Variants in SOX5 observed in about 807,000 individuals in gnomAD.
The protein encoded by SOX5 is SRY-box transcription factor 5, also known as transcription factor SOX-5.
A neutral mutation model predicts 92.0 loss-of-function variants in SOX5; 9 were observed. The ratio of observed to expected loss-of-function variants is 0.10; its 90% CI spans 0.06 to 0.17. The LOEUF is 0.17. Ranked by LOEUF, SOX5 falls within the 10% of genes least tolerant of loss-of-function variation. SOX5 has a pLI of 1.00. For synonymous variants in SOX5, 344 were observed against 336.3 expected (o/e 1.02, Z -0.25); for missense variants, 642 against 944.5 (o/e 0.68, Z 4.20).
intron 4 of SOX5, among the ~76,000 whole-genome samples, chr12:24,128,274 T>A (rs945341437): frequency 6.6e-6 from 1 of 152,214 alleles, no homozygotes; most frequent in Non-Finnish European, 1.5e-5. Flanking sequence ...TTGATAAGCA[T>A]CTTCTGAGGA....
At chr12:23,993,593 C>G (rs776316577) in intron 4 of SOX5, among the ~76,000 whole-genome samples, 55 of 152,156 alleles carry the variant, frequency 3.6e-4, no homozygotes, top group Non-Finnish European at 6.5e-4. Flanking sequence ...CCCCAACATA[C>G]TCCTCCATTG....
intron 1 of SOX5, among the ~76,000 whole-genome samples, chr12:23,931,693 C>A (rs969771088): frequency 9.2e-5 from 14 of 151,546 alleles, no homozygotes; most frequent in Non-Finnish European, 2.1e-4. Flanking sequence ...TTCTGATTTT[C>A]AATTTGTGAG....
chr12:24,383,383 T>A (rs563069989), intron 1 of SOX5, among the ~76,000 whole-genome samples: 6 of 152,362 alleles, frequency 3.9e-5, no homozygotes, highest in Admixed American at 1.3e-4. Context: ...ACTGTCCACA[T>A]ATGTAGTTAC....
intron 7 of SOX5, among the ~76,000 whole-genome samples, chr12:23,662,572 A>G (rs985212628): frequency 5.3e-5 from 8 of 152,178 alleles, no homozygotes; most frequent in African/African-American, 1.7e-4. Context: ...ATTCCACACC[A>G]TATTTCAGCT....
chr12:24,335,410 G>T (rs1005100745), intron 2 of SOX5, among the ~76,000 whole-genome samples: 10 of 152,116 alleles, frequency 6.6e-5, no homozygotes, highest in African/African-American at 2.2e-4. Context: ...TGAGCATTTA[G>T]TATATGCTAG....
chr12:24,445,935 C>CAGGATTG (rs1941405400), intron 1 of SOX5, among the ~76,000 whole-genome samples: 1 of 152,112 alleles, frequency 6.6e-6, no homozygotes, highest in Non-Finnish European at 1.5e-5. Flanking sequence ...GATAATTGTA[C>CAGGATTG]TATACAATCC....
In SOX5 at chr12:23,878,309, T is replaced by A. The variant is rs115264804; in HGVS notation, c.270+17484A>T. Among the ~76,000 whole-genome samples, 1,054 of 152,198 alleles carry A rather than the reference T, an allele frequency of 6.9e-3. 20 individuals are homozygous for A. Among genetic ancestry groups the A allele is most frequent in the African/African-American group, 0.024 (1,016 of 41,574 alleles). Reference sequence around the variant, plus strand: ...CATCCATTTGTCAAAGAGAAACAGATAGTTCCAAATATTTCTGTATAATTT... The same window carrying A: ...CATCCATTTGTCAAAGAGAAACAGAAAGTTCCAAATATTTCTGTATAATTT... On this transcript the variant is annotated intron_variant, in intron 2 of 14. Transcript: ENST00000451604.
At chr12:24,050,296 T>A (rs898122140) in intron 4 of SOX5, among the ~76,000 whole-genome samples, 3 of 152,112 alleles carry the variant, frequency 2.0e-5, no homozygotes, top group African/African-American at 7.2e-5. Flanking sequence ...TTTGTACACA[T>A]AAACAGGTGT....
intron 3 of SOX5, among the ~76,000 whole-genome samples, chr12:23,842,397 G>A (rs1263565444): frequency 6.6e-6 from 1 of 152,068 alleles, no homozygotes. Flanking sequence ...GCTTAATATA[G>A]ACAAATATAG....
intron 1 of SOX5, among the ~76,000 whole-genome samples, chr12:24,527,262 C>T (rs1364894218): frequency 6.6e-6 from 1 of 152,138 alleles, no homozygotes; most frequent in African/African-American, 2.4e-5. Flanking sequence ...GTTTAACCTC[C>T]CCAGAGAAGT....
At chr12:23,629,583 A>T (rs2078270875) in intron 8 of SOX5, among the ~76,000 whole-genome samples, 1 of 152,112 alleles carries the variant, frequency 6.6e-6, no homozygotes, top group Non-Finnish European at 1.5e-5. Flanking sequence ...TATAAAACAA[A>T]TAAAAGTCAA....
intron 4 of SOX5, among the ~76,000 whole-genome samples, chr12:24,118,751 T>C (rs1479727862): frequency 6.6e-6 from 1 of 152,172 alleles, no homozygotes; most frequent in Non-Finnish European, 1.5e-5. Context: ...AGGCATTTAC[T>C]GTGTCAAGAA....
At chr12:24,398,641 A>G (rs1960686331) in intron 1 of SOX5, among the ~76,000 whole-genome samples, 1 of 152,248 alleles carries the variant, frequency 6.6e-6, no homozygotes, top group Non-Finnish European at 1.5e-5. Context: ...AAAGAAATCT[A>G]TCAAAAAAGA....
chr12:23,544,315 A>G (rs1942706094), intron 12 of SOX5, among the ~76,000 whole-genome samples: 1 of 152,218 alleles, frequency 6.6e-6, no homozygotes, highest in Admixed American at 6.5e-5. Flanking sequence ...ACTTGAGTTT[A>G]GGCAAAGAGA....
At chr12:23,987,003 T>C (rs1242409885) in intron 4 of SOX5, among the ~76,000 whole-genome samples, 2 of 152,334 alleles carry the variant, frequency 1.3e-5, no homozygotes, top group East Asian at 1.9e-4. Flanking sequence ...GTACAGAATG[T>C]AGTAGAGTTC....
intron 2 of SOX5, among the ~76,000 whole-genome samples, chr12:24,356,833 T>G (rs1479525581): frequency 6.6e-6 from 1 of 152,262 alleles, no homozygotes; most frequent in African/African-American, 2.4e-5. Context: ...TCCAATTACT[T>G]GGACTTAAGT....
intron 4 of SOX5, among the ~76,000 whole-genome samples, chr12:24,128,386 G>C (rs933528450): frequency 2.0e-5 from 3 of 152,122 alleles, no homozygotes; most frequent in African/African-American, 7.2e-5. Flanking sequence ...TAGTGGGGGA[G>C]AGAGGAAATA....
intron 4 of SOX5, among the ~76,000 whole-genome samples, chr12:24,001,211 C>T (rs1384998035): frequency 6.6e-6 from 1 of 152,142 alleles, no homozygotes; most frequent in African/African-American, 2.4e-5. Flanking sequence ...CTGCCTCAGC[C>T]TCCCAGGTAT....
intron 8 of SOX5, among the ~76,000 whole-genome samples, chr12:23,612,233 A>C (rs2076055538): frequency 6.6e-6 from 1 of 152,126 alleles, no homozygotes; most frequent in Admixed American, 6.6e-5. Flanking sequence ...AAATTTATTG[A>C]TATACATTAG....
Sources: allele counts gnomAD v4.1 joint callset (sites outside exome capture counted in the v4.1 genomes callset), GRCh38; gene constraint gnomAD v4.1.1; transcripts MANE v1.5; gene names NCBI Gene and HGNC (gene_info 2026-07-23, HGNC 2026-07-21).